The following SEPTIN5 variants were observed in gnomAD, a reference collection of about 807,000 sequenced individuals.
SEPTIN5 encodes the protein septin-5.
SEPTIN5 carries 16 observed loss-of-function variants against 51.2 expected under a neutral mutation model. The observed-to-expected ratio is 0.31, with a 90% CI of 0.21 to 0.47. The LOEUF (loss-of-function observed/expected upper bound fraction) is 0.47. SEPTIN5 is among the 20% of genes least tolerant of loss of function. SEPTIN5 has a pLI of 0.99. For synonymous variants in SEPTIN5, 208 were observed against 191.2 expected (o/e 1.09, Z -0.72); for missense variants, 376 against 500.3 (o/e 0.75, Z 2.37).
In SEPTIN5 at chr22:19,723,234, C is replaced by T. The variant is rs374866764; in HGVS notation, c.*750C>T. ...TCCCGATGTTCCCACCCGCATGATC[C>T]CTTCCCGCCACACGATGCTCCGTTT... On this transcript the variant is annotated 3_prime_UTR_variant, in exon 12 of 12. Transcript: ENST00000455784. 22 of 649,420 alleles carry T rather than the reference C, an allele frequency of 3.4e-5. No individual in the cohort carries two copies. Among genetic ancestry groups the T allele is most frequent in the East Asian group, 6.0e-5 (2 of 33,250 alleles). 40.2% of individuals were successfully genotyped at this position (649,420 alleles called of 1,614,324 possible). A position where few individuals can be genotyped will look rare whatever the true frequency, so the allele number is the denominator to read the frequency against.
Position 19,721,860 on chromosome 22 carries a change from A to G in SEPTIN5, c.853A>G (p.Asn285Asp). The part of the protein sequence containing the change: ...QAHCDFVKLR[N>D]MLIRTHMHDL... ...GCATTGCGACTTCGTGAAGCTGCGC[A>G]ACATGCTCATCCGCACGCATATGCA... Residue 285 changes from asparagine to aspartate, a missense_variant, in exon 10 of 12, where the codon AAC becomes GAC. By Grantham distance (23) the Asn-to-Asp change is conservative. Transcript: ENST00000455784. The G allele has an allele frequency of 6.2e-7, 1 of 1,603,826 alleles. No individual in the cohort carries two copies. The highest frequency in any genetic ancestry group is 8.5e-7 in the Non-Finnish European group (1 of 1,174,912).
chr22:19,717,702 G>C lies in SEPTIN5; in HGVS notation c.55-1900G>C, dbSNP rs935713380. ...AAGCCTCCTAGGGGACAGGCAGGCT[G>C]GACTTCAGAAAAGGTGGGCTCTGCC... On this transcript the variant is annotated intron_variant, in intron 2 of 11. Transcript: ENST00000455784. The C allele has an allele frequency of 1.5e-5, 4 of 263,382 alleles. No homozygotes were observed. In the Admixed American group the frequency reaches 1.5e-4, roughly 10 times the overall value. The allele number at this position is 263,382 out of a possible 1,614,324, so 16.3% of individuals were successfully genotyped here. A position where few individuals can be genotyped will look rare whatever the true frequency, so the allele number is the denominator to read the frequency against.
At chr22:19,718,432 C>T in intron 2 of SEPTIN5, 1 of 1,079,298 alleles carries the variant, frequency 9.3e-7, no homozygotes, top group Non-Finnish European at 1.1e-6. Flanking sequence ...CCGCGCGCTC[C>T]GCGGGCGCCT....
chr22:19,719,936 T>C, intron 4 of SEPTIN5, 44 bp downstream of exon 4: 1 of 1,608,298 alleles, frequency 6.2e-7, no homozygotes, highest in South Asian at 1.1e-5. Flanking sequence ...CCCAGTCCCC[T>C]TCCATGGGAC....
chr22:19,720,011 G>C, intron 4 of SEPTIN5, 104 bp from the exon 5 acceptor site: 1 of 1,603,004 alleles, frequency 6.2e-7, no homozygotes, highest in South Asian at 1.1e-5. Flanking sequence ...GGGTCCCCTG[G>C]GGGTAGGGCC....
At chr22:19,721,542 A>G in intron 8 of SEPTIN5, 98 bp from the exon 9 acceptor site, 1 of 1,280,628 alleles carries the variant, frequency 7.8e-7, no homozygotes, top group Admixed American at 1.8e-5. Flanking sequence ...GTTGATGGTG[A>G]TGCTGGAGGG....
chr22:19,720,930 C>T (rs572649063), intron 8 of SEPTIN5, 61 bp downstream of exon 8: 2 of 1,428,552 alleles, frequency 1.4e-6, no homozygotes, highest in South Asian at 2.3e-5. Context: ...AACCAGAGGG[C>T]TTTGTCTCCT....
In SEPTIN5 at chr22:19,720,155, G is replaced by A; in HGVS notation, c.279G>A (p.Val93=). Residue 93 remains valine (V), a synonymous_variant, in exon 5 of 12, where the codon GTG becomes GTA. Coordinates refer to ENST00000455784, the MANE Select transcript of SEPTIN5 (RefSeq NM_002688.6). The part of the protein sequence containing the change: ...SQTVEILKHT[V]DIEEKGVKLK... Reference sequence around the variant, plus strand: ...CGGTAGAGATTCTAAAACACACGGTGGACATTGAGGAGAAGGGAGTCAAGC... The same window carrying A: ...CGGTAGAGATTCTAAAACACACGGTAGACATTGAGGAGAAGGGAGTCAAGC... The A allele has an allele frequency of 6.2e-7, 1 of 1,613,408 alleles. No individual in the cohort carries two copies.
At chr22:19,720,283 C>T (rs1267616019) in intron 5 of SEPTIN5, 37 bp from the exon 6 acceptor site, 1 of 1,613,412 alleles carries the variant, frequency 6.2e-7, no homozygotes, top group East Asian at 2.2e-5. Flanking sequence ...GCGGCCACAG[C>T]ACTCGAGGCC....
At chr22:19,718,181 A>G (rs1935945191) in intron 2 of SEPTIN5, 1 of 156,130 alleles carries the variant, frequency 6.4e-6, no homozygotes, top group African/African-American at 2.4e-5. Flanking sequence ...CGCGGTGGCT[A>G]CCGACTCCCG....
At chr22:19,720,696 CA>C in intron 7 of SEPTIN5, 30 bp downstream of exon 7, 1 of 1,612,500 alleles carries the variant, frequency 6.2e-7, no homozygotes, top group East Asian at 2.2e-5. Flanking sequence ...GGGGCCTGGC[CA>C]GGGCCCTGGG....
Position 19,714,977 on chromosome 22 carries a change from C to T in SEPTIN5, c.54+186C>T, listed in dbSNP as rs1228786446. ...GGCTTCAGAGGAGAGGAGTGGGGGC[C>T]CTGGTCCCCGGACCCGCACAGCAGG... is the stretch of plus-strand genomic sequence containing the variant. On this transcript the variant is annotated intron_variant, in intron 2 of 11. Transcript: ENST00000455784. The surrounding 1 kb of genome is among the most constrained non-coding windows in gnomAD (Gnocchi z 5.2). Among the ~76,000 whole-genome samples, 2 of 152,362 alleles carry T rather than the reference C, an allele frequency of 1.3e-5. No homozygotes were observed. The highest frequency in any genetic ancestry group is 3.9e-4 in the East Asian group (2 of 5,176).
chr22:19,722,007 G>A (rs781354473), intron 10 of SEPTIN5, 50 bp downstream of exon 10: 3 of 1,573,754 alleles, frequency 1.9e-6, no homozygotes, highest in Non-Finnish European at 2.6e-6. Context: ...CCCCGCCCAC[G>A]TCTCCATAAC....
chr22:19,714,602 T>C lies in SEPTIN5; in HGVS notation c.14T>C (p.Leu5Pro), dbSNP rs2145783704. The C allele has an allele frequency of 1.3e-6, 2 of 1,483,232 alleles. No individual in the cohort carries two copies. The highest frequency in any genetic ancestry group is 5.6e-5 in the East Asian group (2 of 35,670). 91.9% of individuals were successfully genotyped at this position (1,483,232 alleles called of 1,614,324 possible). The change falls in exon 1 of 12, where the codon CTG (leucine) becomes CCG (proline). Residue 5 changes from leucine (L) to proline (P), a missense_variant. Physicochemically the swap from Leu to Pro is moderately conservative, Grantham distance 98 (BLOSUM62 -3). Around this residue, in one of 2 missense-constraint regions of SEPTIN5, gnomAD observed 287 missense variants for 417.1 expected, o/e 0.69. Coordinates refer to ENST00000455784, the MANE Select transcript of SEPTIN5 (RefSeq NM_002688.6). The surrounding 1 kb of genome is among the most constrained non-coding windows in gnomAD (Gnocchi z 5.2). MSTG[L>P]RYKSKLATPE... ...CCGGCGGCCACCATGAGCACAGGCC[T>C]GCGGTACAAGAGCAAGCTGGCGACC...
intron 2 of SEPTIN5, 164 bp from the exon 3 acceptor site, chr22:19,719,438 T>C: frequency 5.0e-6 from 3 of 605,218 alleles, no homozygotes; most frequent in Non-Finnish European, 8.7e-6. Flanking sequence ...CCTTCTTATC[T>C]CCAGGCTTTT....
Position 19,722,544 on chromosome 22 carries a change from C to G in SEPTIN5, c.*60C>G, listed in dbSNP as rs369289593. On this transcript the variant is annotated 3_prime_UTR_variant, in exon 12 of 12. Coordinates refer to ENST00000455784, the MANE Select transcript of SEPTIN5 (RefSeq NM_002688.6). ...GCCCTCGCACCCCTGGACACCAGAC[C>G]GGACTGTTCCCGACCCGGAGACGCG... 2.0e-6 allele frequency: 3 copies of G among 1,533,500 alleles called. No individual in the cohort carries two copies. Among genetic ancestry groups the G allele is most frequent in the Non-Finnish European group, 2.7e-6 (3 of 1,131,964 alleles). The allele number at this position is 1,533,500 out of a possible 1,614,324, so 95.0% of individuals were successfully genotyped here.
chr22:19,719,400 G>A (rs1935978579), intron 2 of SEPTIN5: 1 of 568,080 alleles, frequency 1.8e-6, no homozygotes, highest in Non-Finnish European at 3.1e-6. Flanking sequence ...GGGGCCAGGG[G>A]TGCCTTCTCC....
Position 19,714,905 on chromosome 22 carries a change from C to A in SEPTIN5, c.54+114C>A. ...CCGCCCCCGCCGGCCCTCACCCAGC[C>A]CTGTCGCGATCACCGATTGTCAGCC... On this transcript the variant is annotated intron_variant, in intron 2 of 11. Transcript: ENST00000455784. The surrounding 1 kb of genome is among the most constrained non-coding windows in gnomAD (Gnocchi z 5.2). 1 of 1,333,524 alleles carries A rather than the reference C, an allele frequency of 7.5e-7. No individual in the cohort carries two copies. The highest frequency in any genetic ancestry group is 1.0e-6 in the Non-Finnish European group (1 of 992,282). 82.6% of individuals were successfully genotyped at this position (1,333,524 alleles called of 1,614,324 possible).
rs1935990817 is a variant in SEPTIN5 at position 19,719,886 on chromosome 22, G to C, written c.232G>C (p.Ala78Pro). The part of the protein sequence containing the change: ...DLYKDRKLLS[A>P]EERISQTVEI... ...GTACAAGGACCGGAAGCTGCTCAGT[G>C]CTGAGGGTGAGTGGCCCCCAGGAGG... Residue 78 changes from alanine (A) to proline (P), a missense_variant, in exon 4 of 12, where the codon GCT becomes CCT. Around this residue, in one of 2 missense-constraint regions of SEPTIN5, gnomAD observed 287 missense variants for 417.1 expected, o/e 0.69. Transcript: ENST00000455784. 2 of 1,612,678 alleles carry C rather than the reference G, an allele frequency of 1.2e-6. No individual in the cohort carries two copies. The highest frequency in any genetic ancestry group is 1.1e-5 in the South Asian group (1 of 91,084).
Sources: allele counts gnomAD v4.1 joint callset (sites outside exome capture counted in the v4.1 genomes callset), GRCh38; gene constraint gnomAD v4.1.1; regional missense constraint gnomAD v4.1.1; non-coding constraint Gnocchi (gnomAD v3.1); transcripts MANE v1.5; gene names NCBI Gene and HGNC (gene_info 2026-07-23, HGNC 2026-07-21).